NIT2: variants seen among roughly 807,000 people sequenced by gnomAD.
The protein encoded by NIT2 is nitrilase family member 2.
A neutral mutation model predicts 42.7 loss-of-function variants in NIT2; 46 were observed. That is an observed-to-expected ratio of 1.08 (90% CI 0.85 to 1.38). NIT2 has a LOEUF of 1.38. NIT2 is among the 40% of genes most tolerant of loss of function. The probability of loss-of-function intolerance (pLI) is 0.00; values close to 1 mark genes in which losing one functional copy is unlikely to be tolerated. For synonymous variants in NIT2, 123 were observed against 121.9 expected, an observed-to-expected ratio of 1.01 and a Z score of -0.06; for missense variants, 309 against 342.5, an observed-to-expected ratio of 0.90 and a Z score of 0.77.
At position 100,348,817 on chromosome 3, in the gene NIT2, G is replaced by GT; in HGVS notation, c.521dup (p.Tyr175IlefsTer6). On this transcript the variant is annotated frameshift_variant, in exon 7 of 10. Transcript: ENST00000394140. LOFTEE classifies it high-confidence loss of function. ...CTCTCCCCAAGGCTGCCAGCTGTTGGTATATCCAGGAGCTTTTAATCTGAC... is the reference window on the plus strand; with the variant it reads ...CTCTCCCCAAGGCTGCCAGCTGTTGGTTATATCCAGGAGCTTTTAATCTGAC... 6.2e-7 allele frequency: 1 copy of GT among 1,614,040 alleles called. No homozygotes were observed. The highest frequency in any genetic ancestry group is 1.7e-5 in the Admixed American group (1 of 60,016).
rs574426358 is a variant in NIT2 at position 100,347,085 on chromosome 3, T to G, written c.505+830T>G. On this transcript the variant is annotated intron_variant, in intron 6 of 9. Coordinates refer to ENST00000394140, the MANE Select transcript of NIT2 (RefSeq NM_020202.5). ...ATGGAGCTGAGATAAATTTGTTTTT[T>G]TTTGTTTGTTTGTTTGTTTGTTTTT... Among the ~76,000 whole-genome samples, 38 of 152,190 alleles carry G rather than the reference T, an allele frequency of 2.5e-4. 1 individual carries two copies. The highest frequency in any genetic ancestry group is 1.7e-3 in the South Asian group (8 of 4,816).
At chr3:100,345,824 A>C (rs942816355) in intron 5 of NIT2, 146 bp downstream of exon 5, 2 of 644,796 alleles carry the variant, frequency 3.1e-6, no homozygotes, top group South Asian at 2.0e-5. Context: ...ACAGATCTGG[A>C]AAGTTCGGGC....
intron 2 of NIT2, 58 bp downstream of exon 2, chr3:100,339,263 T>G: frequency 9.3e-7 from 1 of 1,077,994 alleles, no homozygotes; most frequent in Non-Finnish European, 1.4e-6. Context: ...AGAACGGTGT[T>G]TGCTAGCTCT....
At chr3:100,346,881 A>G (rs950311373) in intron 6 of NIT2, among the ~76,000 whole-genome samples, 1 of 152,092 alleles carries the variant, frequency 6.6e-6, no homozygotes, top group Non-Finnish European at 1.5e-5. Context: ...CTGTCACTTA[A>G]CCAAGTGAAG....
At chr3:100,354,096 A>G (rs1706300992) in intron 8 of NIT2, among the ~76,000 whole-genome samples, 1 of 152,204 alleles carries the variant, frequency 6.6e-6, no homozygotes, top group Non-Finnish European at 1.5e-5. Context: ...TTTACAGGTC[A>G]GCCTTACCCT....
intron 4 of NIT2, among the ~76,000 whole-genome samples, chr3:100,342,808 A>C (rs1230840158): frequency 6.6e-6 from 1 of 152,036 alleles, no homozygotes; most frequent in Non-Finnish European, 1.5e-5. Flanking sequence ...TGTTTACCCA[A>C]ATATTTATCA....
intron 1 of NIT2, among the ~76,000 whole-genome samples, chr3:100,337,176 A>C (rs1050093295): frequency 6.6e-6 from 1 of 152,222 alleles, no homozygotes; most frequent in Non-Finnish European, 1.5e-5. Context: ...GTTATAGTTT[A>C]ACAGCATCTC....
chr3:100,345,769 A>G, intron 5 of NIT2, 91 bp downstream of exon 5: 1 of 798,094 alleles, frequency 1.3e-6, no homozygotes, highest in Non-Finnish European at 2.1e-6. Context: ...ATTTCTTCAC[A>G]TAACCTAACT....
chr3:100,335,033 C>T (rs1245193264), intron 1 of NIT2: 2 of 529,104 alleles, frequency 3.8e-6, no homozygotes. Context: ...CACCAGGCCA[C>T]CCGGCCGCGC....
chr3:100,334,948 G>T, intron 1 of NIT2, 150 bp downstream of exon 1: 1 of 770,440 alleles, frequency 1.3e-6, no homozygotes, highest in Non-Finnish European at 1.8e-6. Flanking sequence ...GCGTGGGTCC[G>T]GGATCGCGTG....
intron 7 of NIT2, chr3:100,349,742 CT>C (rs1261007216): frequency 6.6e-6 from 1 of 152,256 alleles, no homozygotes; most frequent in African/African-American, 2.4e-5. Context: ...TCTTGTTCTT[CT>C]AACCTATAAC....
chr3:100,354,930 G>T, intron 9 of NIT2, 103 bp downstream of exon 9: 1 of 971,546 alleles, frequency 1.0e-6, no homozygotes. Context: ...GTTCCTTTAT[G>T]CCCCTTCTCA....
intron 6 of NIT2, 112 bp from the exon 7 acceptor site, chr3:100,348,691 T>G: frequency 1.3e-6 from 1 of 775,604 alleles, no homozygotes; most frequent in Non-Finnish European, 2.2e-6. Context: ...TGACATCTTT[T>G]TATGTTTGGG....
chr3:100,334,828 G>T lies in NIT2; in HGVS notation c.7+30G>T, dbSNP rs757419509. ...GTGGCGCGGCCGCGCGCTGCAGCTC[G>T]AGTTCGGGCCGCGGGGGAGGCTTTG... is the stretch of plus-strand genomic sequence containing the variant. On this transcript the variant is annotated intron_variant, in intron 1 of 9. Coordinates refer to ENST00000394140, the MANE Select transcript of NIT2 (RefSeq NM_020202.5). 33 of 1,238,460 alleles carry T rather than the reference G, an allele frequency of 2.7e-5. No homozygotes were observed. In the African/African-American group the frequency reaches 6.6e-4, roughly 25 times the overall value. 76.7% of individuals were successfully genotyped at this position (1,238,460 alleles called of 1,614,324 possible).
At chr3:100,340,744 A>T (rs1033911874) in intron 3 of NIT2, among the ~76,000 whole-genome samples, 1 of 152,166 alleles carries the variant, frequency 6.6e-6, no homozygotes, top group Middle Eastern at 3.2e-3. Context: ...ACTCAAGATC[A>T]TGGCTGAATT....
At chr3:100,353,858 C>A (rs1293450179) in intron 8 of NIT2, among the ~76,000 whole-genome samples, 6 of 150,742 alleles carry the variant, frequency 4.0e-5, no homozygotes, top group African/African-American at 1.5e-4. Context: ...ACTGCTGCAA[C>A]CTCTGCCTCC....
intron 6 of NIT2, among the ~76,000 whole-genome samples, chr3:100,347,637 C>A (rs1451072167): frequency 6.6e-6 from 1 of 152,048 alleles, no homozygotes; most frequent in African/African-American, 2.4e-5. Flanking sequence ...TCTATGTCGC[C>A]CAGGCTTTCC....
At chr3:100,335,086 T>C in intron 1 of NIT2, 1 of 470,574 alleles carries the variant, frequency 2.1e-6, no homozygotes, top group Non-Finnish European at 4.0e-6. Context: ...GATGGACGTG[T>C]ATTTCTCCAC....
intron 7 of NIT2, 31 bp downstream of exon 7, chr3:100,348,912 C>A: frequency 6.3e-7 from 1 of 1,583,206 alleles, no homozygotes; most frequent in Non-Finnish European, 8.7e-7. Context: ...TCAAGCCTCT[C>A]GGCATGTCCT....
Sources: allele counts gnomAD v4.1 joint callset (sites outside exome capture counted in the v4.1 genomes callset), GRCh38; gene constraint gnomAD v4.1.1; transcripts MANE v1.5; gene names NCBI Gene and HGNC (gene_info 2026-07-23, HGNC 2026-07-21).